NBEAL1: variants seen among roughly 807,000 people sequenced by gnomAD.
NBEAL1 encodes the protein neurobeachin like 1, also known as neurobeachin-like protein 1.
NBEAL1 carries 273 observed loss-of-function variants against 351.3 expected under a neutral mutation model. That is an observed-to-expected ratio of 0.78 (90% CI 0.70 to 0.86). NBEAL1 has a LOEUF of 0.86. Among genes scored for constraint, NBEAL1 ranks in the 40% least tolerant of loss-of-function variants. The pLI is 0.00. For synonymous variants in NBEAL1, 1,050 were observed against 1,086.4 expected (o/e 0.97, Z 0.66); for missense variants, 2,961 against 3,201.3 (o/e 0.92, Z 1.81).
Position 203,019,811 on chromosome 2 carries a change from G to A in NBEAL1, c.51+3376G>A, listed in dbSNP as rs558883846. Among the ~76,000 whole-genome samples the A allele has an allele frequency of 2.0e-5, 3 of 152,206 alleles. No individual in the cohort carries two copies. In the South Asian group the frequency reaches 6.2e-4, roughly 32 times the overall value. ...TTGGTCACAGCAATGCTAAAAGAACGCTAATGGAATATATATGTCTTCTGC... is the reference window on the plus strand; with the variant it reads ...TTGGTCACAGCAATGCTAAAAGAACACTAATGGAATATATATGTCTTCTGC... On this transcript the variant is annotated intron_variant, in intron 2 of 55. Transcript: ENST00000683969.
chr2:203,026,977 C>T (rs950543429), intron 2 of NBEAL1, among the ~76,000 whole-genome samples: 5 of 152,164 alleles, frequency 3.3e-5, no homozygotes, highest in Non-Finnish European at 7.3e-5. Context: ...TACGTTCAGC[C>T]TGGCTGTTGA....
chr2:203,018,092 C>T (rs2060709264), intron 2 of NBEAL1, among the ~76,000 whole-genome samples: 1 of 152,062 alleles, frequency 6.6e-6, no homozygotes, highest in Non-Finnish European at 1.5e-5. Flanking sequence ...TCTGCAGACA[C>T]CTTGAATCAG....
intron 24 of NBEAL1, among the ~76,000 whole-genome samples, chr2:203,129,870 GA>G (rs2063033238): frequency 1.3e-5 from 2 of 152,298 alleles, no homozygotes; most frequent in Non-Finnish European, 2.9e-5. Context: ...TATACTAAAG[GA>G]AATTGAATAA....
At chr2:203,095,051 G>C (rs1421795633) in intron 10 of NBEAL1, among the ~76,000 whole-genome samples, 1 of 151,864 alleles carries the variant, frequency 6.6e-6, no homozygotes, top group African/African-American at 2.4e-5. Context: ...TTGAACCCAG[G>C]AGGTGGAGGT....
intron 6 of NBEAL1, among the ~76,000 whole-genome samples, chr2:203,063,968 T>TCAGGC (rs2061540375): frequency 1.3e-5 from 2 of 152,294 alleles, no homozygotes; most frequent in Non-Finnish European, 2.9e-5. Context: ...CACATCATTG[T>TCAGGC]AAGATTGGAT....
At chr2:203,192,923 A>G (rs984776433) in intron 46 of NBEAL1, among the ~76,000 whole-genome samples, 1 of 143,292 alleles carries the variant, frequency 7.0e-6, no homozygotes. Flanking sequence ...AGCAGTACCT[A>G]TAATTTGATT....
chr2:203,136,573 T>G (rs753240883), intron 28 of NBEAL1, 26 bp from the exon 29 acceptor site: 3 of 1,538,964 alleles, frequency 1.9e-6, no homozygotes, highest in Non-Finnish European at 2.7e-6. Flanking sequence ...CTCTAGTTAT[T>G]TAAAATTACT....
chr2:203,116,476 C>T (rs1170864132), intron 18 of NBEAL1, among the ~76,000 whole-genome samples: 1 of 151,924 alleles, frequency 6.6e-6, no homozygotes, highest in Non-Finnish European at 1.5e-5. Flanking sequence ...ATGTTCACTT[C>T]AAAAGGAGAA....
At chr2:203,172,153 C>T in intron 40 of NBEAL1, 130 bp downstream of exon 40, 1 of 440,616 alleles carries the variant, frequency 2.3e-6, no homozygotes, top group East Asian at 3.6e-5. Flanking sequence ...ATGTTTTCTA[C>T]CCAGTTATTT....
At chr2:203,145,874 GA>G (rs1559403824) in intron 33 of NBEAL1, among the ~76,000 whole-genome samples, 3 of 151,212 alleles carry the variant, frequency 2.0e-5, no homozygotes, top group Non-Finnish European at 4.4e-5. Flanking sequence ...AGTAAGGAAT[GA>G]GTAAAGATAA....
intron 7 of NBEAL1, among the ~76,000 whole-genome samples, chr2:203,075,543 A>G (rs538745325): frequency 6.6e-6 from 1 of 152,270 alleles, no homozygotes; most frequent in African/African-American, 2.4e-5. Flanking sequence ...CTATCACACT[A>G]TTGTGTGAGG....
intron 6 of NBEAL1, among the ~76,000 whole-genome samples, chr2:203,058,001 G>A (rs990979712): frequency 2.0e-5 from 3 of 151,402 alleles, no homozygotes; most frequent in Non-Finnish European, 4.4e-5. Context: ...GCACCACTGC[G>A]CCCGGCTAAT....
Position 203,169,821 on chromosome 2 carries a change from G to A in NBEAL1, c.6072G>A (p.Gln2024=). The A allele has an allele frequency of 6.2e-7, 1 of 1,608,484 alleles. No individual in the cohort carries two copies. Among genetic ancestry groups the A allele is most frequent in the Non-Finnish European group, 8.5e-7 (1 of 1,176,728 alleles). Residue 2024 remains glutamine (Q), a synonymous_variant, in exon 39 of 56, where the codon CAG becomes CAA. Transcript: ENST00000683969. The stretch of plus-strand genomic sequence containing the variant: ...GTTATTATGGAAGCAGATCACCACA[G>A]GAGTTATTCAAAGCATCAGGATTGA... ...PNSYYGSRSP[Q]ELFKASGLTQ... is the part of the protein sequence containing the mutation.
In NBEAL1 at chr2:203,149,015, C is replaced by T. The variant is rs964194129; in HGVS notation, c.5329C>T (p.Arg1777Ter). Residue 1777 changes from arginine (R) to a stop codon, truncating the protein, a stop_gained, in exon 34 of 56, where the codon CGA becomes TGA. Transcript: ENST00000683969. LOFTEE classifies it high-confidence loss of function. ...GGAGCTGTTTGTGGAGCCATTTAAT[C>T]GAAAAGCACGCCAAGAGAACCTGAG... ...FQELFVEPFN[R>*]KARQENLRYN... 8.1e-6 allele frequency: 13 copies of T among 1,607,746 alleles called. No individual in the cohort carries two copies. The highest frequency in any genetic ancestry group is 5.0e-5 in the Admixed American group (3 of 59,478).
intron 54 of NBEAL1, among the ~76,000 whole-genome samples, chr2:203,212,691 CCAGTTA>C (rs891583297): frequency 1.2e-3 from 174 of 151,262 alleles, no homozygotes; most frequent in African/African-American, 4.2e-3. Flanking sequence ...TTATATGATT[CCAGTTA>C]CATGTGCAAG....
At position 203,125,230 on chromosome 2, in the gene NBEAL1, A is replaced by G. The variant is rs1195311264; in HGVS notation, c.2683-122A>G. The G allele has an allele frequency of 4.6e-6, 3 of 648,162 alleles. No homozygotes were observed. The East Asian group carries it at 1.0e-4, about 22-fold the overall frequency. The allele number at this position is 648,162 out of a possible 1,614,324, so 40.2% of individuals were successfully genotyped here. ...TCCTACACAAAAATTCCTTCAGCTT[A>G]GGTTATCCTGTACATTGCTCAAAGG... is the stretch of plus-strand genomic sequence containing the variant. On this transcript the variant is annotated intron_variant, in intron 19 of 55. Transcript: ENST00000683969.
At chr2:203,024,139 T>C (rs934982363) in intron 2 of NBEAL1, among the ~76,000 whole-genome samples, 1 of 150,132 alleles carries the variant, frequency 6.7e-6, no homozygotes, top group Admixed American at 6.7e-5. Flanking sequence ...CAGTCTACAG[T>C]GAGCTGGGAT....
intron 31 of NBEAL1, among the ~76,000 whole-genome samples, chr2:203,142,761 G>A (rs1398497533): frequency 6.6e-6 from 1 of 152,068 alleles, no homozygotes; most frequent in African/African-American, 2.4e-5. Context: ...GGTATTTCCT[G>A]GATGTAGGGA....
chr2:203,126,710 C>T lies in NBEAL1; in HGVS notation c.3139C>T (p.Arg1047Ter), dbSNP rs1293415305. 10 of 1,504,822 alleles carry T rather than the reference C, an allele frequency of 6.6e-6. No homozygotes were observed. Among genetic ancestry groups the T allele is most frequent in the African/African-American group, 2.8e-5 (2 of 71,034 alleles). The allele number at this position is 1,504,822 out of a possible 1,614,324, so 93.2% of individuals were successfully genotyped here. Residue 1047 changes from arginine (R) to a stop codon, truncating the protein, a stop_gained, in exon 22 of 56, where the codon CGA becomes TGA. Transcript: ENST00000683969. LOFTEE classifies it high-confidence loss of function. ...RIWNRGDFPF[R>*]IGHIQYLSTI... ...TTGGAACCGTGGAGATTTTCCCTTT[C>T]GAATCGGTGAGAGCAGGCTTTCAGA...
Sources: allele counts gnomAD v4.1 joint callset (sites outside exome capture counted in the v4.1 genomes callset), GRCh38; gene constraint gnomAD v4.1.1; transcripts MANE v1.5; gene names NCBI Gene and HGNC (gene_info 2026-07-23, HGNC 2026-07-21).